The following CD200R1 variants were observed in gnomAD, a reference collection of about 807,000 sequenced individuals.
The protein encoded by CD200R1 is CD200 receptor 1, also known as cell surface glycoprotein CD200 receptor 1.
In CD200R1, 30 loss-of-function variants were observed where a neutral mutation model predicts 38.1. The observed-to-expected ratio is 0.79, with a 90% CI of 0.59 to 1.07. The LOEUF (loss-of-function observed/expected upper bound fraction) is 1.07. Ranked by LOEUF, CD200R1 falls within the 50% of genes least tolerant of loss-of-function variation. The probability of loss-of-function intolerance (pLI) is 0.00; values close to 1 mark genes in which losing one functional copy is unlikely to be tolerated. For synonymous variants in CD200R1, 128 were observed against 152.1 expected, an observed-to-expected ratio of 0.84 and a Z score of 1.16; for missense variants, 372 against 415.4, an observed-to-expected ratio of 0.90 and a Z score of 0.91.
chr3:112,929,658 C>A, intron 3 of CD200R1, 151 bp from the exon 4 acceptor site: 1 of 713,136 alleles, frequency 1.4e-6, no homozygotes. Context: ...TTAAAATTCT[C>A]AAAATATAAA....
At chr3:112,950,607 C>A (rs1940954318) in intron 1 of CD200R1, among the ~76,000 whole-genome samples, 1 of 152,084 alleles carries the variant, frequency 6.6e-6, no homozygotes, top group Non-Finnish European at 1.5e-5. Context: ...CCTAACCCAG[C>A]ATCTGCAGAA....
At chr3:112,973,417 G>A (rs1559704884) in intron 1 of CD200R1, among the ~76,000 whole-genome samples, 2 of 152,158 alleles carry the variant, frequency 1.3e-5, no homozygotes. Context: ...ATGTTTAGTG[G>A]TGCTTACTGA....
chr3:112,948,598 G>A (rs1226201175), intron 1 of CD200R1, among the ~76,000 whole-genome samples: 2 of 152,178 alleles, frequency 1.3e-5, no homozygotes, highest in East Asian at 3.9e-4. Flanking sequence ...TCTGACAAGA[G>A]GTGGAGCTCA....
chr3:112,964,166 CATGGAGAACCTCTGCTAGGGCAGTATGGA>C (rs1559957093), intron 1 of CD200R1, among the ~76,000 whole-genome samples: 4 of 152,342 alleles, frequency 2.6e-5, no homozygotes, highest in Non-Finnish European at 5.9e-5. Flanking sequence ...GCAGGACTCT[CATGGAGAACCTCTGCTAGGGCAGTATGGA>C]ATGGAAATGT....
chr3:112,947,062 A>G (rs902716602), intron 2 of CD200R1, among the ~76,000 whole-genome samples: 1 of 152,186 alleles, frequency 6.6e-6, no homozygotes, highest in African/African-American at 2.4e-5. Flanking sequence ...TTCCAATTAT[A>G]TGACACTCTG....
Position 112,929,261 on chromosome 3 carries a change from T to A in CD200R1, c.449A>T (p.Asp150Val). ...LQIRTVAITHDGYYRCIMVTP... is the reference protein window; with the variant it reads ...LQIRTVAITHVGYYRCIMVTP... ...TACCATTATGCATCTGTAATACCCGTCATGAGTGATGGCCACGGTACGAAT... is the reference window on the plus strand; with the variant it reads ...TACCATTATGCATCTGTAATACCCGACATGAGTGATGGCCACGGTACGAAT... Residue 150 changes from aspartate (D) to valine (V), a missense_variant, in exon 4 of 8, where the codon GAC (aspartate) becomes GTC (valine). By Grantham distance (152) the Asp-to-Val change is radical. Transcript: ENST00000308611. The A allele has an allele frequency of 6.2e-7, 1 of 1,614,154 alleles. No individual in the cohort carries two copies. The highest frequency in any genetic ancestry group is 8.5e-7 in the Non-Finnish European group (1 of 1,180,028).
At chr3:112,929,612 G>A in intron 3 of CD200R1, 105 bp from the exon 4 acceptor site, 1 of 1,028,252 alleles carries the variant, frequency 9.7e-7, no homozygotes, top group Non-Finnish European at 1.4e-6. Flanking sequence ...CTTTGTTGGT[G>A]ATCTTATTCC....
intron 1 of CD200R1, among the ~76,000 whole-genome samples, chr3:112,963,910 A>G (rs997100241): frequency 1.3e-5 from 2 of 152,180 alleles, no homozygotes; most frequent in Admixed American, 6.5e-5. Context: ...TCAGGAGTCC[A>G]TATGCTGTGT....
chr3:112,922,875 T>C lies in CD200R1; in HGVS notation c.*802A>G, dbSNP rs1940202721. 1 of 151,866 alleles carries C rather than the reference T, an allele frequency of 6.6e-6. No individual in the cohort carries two copies. The highest frequency in any genetic ancestry group is 2.1e-4 in the South Asian group (1 of 4,828). 9.4% of individuals were successfully genotyped at this position (151,866 alleles called of 1,614,324 possible). ...AATTTGACATATATATTTGACACAA[T>C]TTAACATATATATCAATAGTAAAAT... On this transcript the variant is annotated 3_prime_UTR_variant, in exon 8 of 8. Coordinates refer to ENST00000308611, the MANE Select transcript of CD200R1 (RefSeq NM_138806.4).
chr3:112,960,235 A>C (rs376041181), intron 1 of CD200R1, among the ~76,000 whole-genome samples: 1 of 152,068 alleles, frequency 6.6e-6, no homozygotes, highest in Non-Finnish European at 1.5e-5. Flanking sequence ...AACTTTTACT[A>C]TGAATTTCCT....
chr3:112,960,384 A>G (rs1932986919), intron 1 of CD200R1, among the ~76,000 whole-genome samples: 1 of 152,088 alleles, frequency 6.6e-6, no homozygotes, highest in Non-Finnish European at 1.5e-5. Flanking sequence ...AATCGTAAAT[A>G]TGAGATTTGT....
chr3:112,949,098 T>C (rs1402992217), intron 1 of CD200R1, among the ~76,000 whole-genome samples: 2 of 152,144 alleles, frequency 1.3e-5, no homozygotes, highest in African/African-American at 2.4e-5. Context: ...ACAAAAATAA[T>C]GGCATTTAAA....
chr3:112,934,807 G>T (rs1470649495), intron 2 of CD200R1, among the ~76,000 whole-genome samples: 1 of 152,048 alleles, frequency 6.6e-6, no homozygotes, highest in East Asian at 1.9e-4. Flanking sequence ...TCCAGCCTGG[G>T]TGACAAGAGC....
chr3:112,965,774 A>G (rs945336152), intron 1 of CD200R1, among the ~76,000 whole-genome samples: 2 of 152,114 alleles, frequency 1.3e-5, no homozygotes, highest in Non-Finnish European at 2.9e-5. Flanking sequence ...GAAAAAAAAA[A>G]GATATTTAAT....
intron 1 of CD200R1, among the ~76,000 whole-genome samples, chr3:112,973,192 C>A (rs1933352484): frequency 6.6e-6 from 1 of 152,158 alleles, no homozygotes; most frequent in South Asian, 2.1e-4. Context: ...CAGCTCCTTG[C>A]CTATCTGGCT....
chr3:112,936,517 C>G (rs1220514774), intron 2 of CD200R1, among the ~76,000 whole-genome samples: 4 of 152,136 alleles, frequency 2.6e-5, no homozygotes, highest in Non-Finnish European at 5.9e-5. Context: ...GAGATAGTAT[C>G]TCATTGTAGT....
intron 2 of CD200R1, among the ~76,000 whole-genome samples, chr3:112,944,671 G>A (rs940965743): frequency 6.6e-6 from 1 of 151,804 alleles, no homozygotes; most frequent in African/African-American, 2.4e-5. Flanking sequence ...AAATAAAAGG[G>A]ATCAAGATCA....
At chr3:112,959,083 C>T (rs1223297440) in intron 1 of CD200R1, among the ~76,000 whole-genome samples, 2 of 152,098 alleles carry the variant, frequency 1.3e-5, no homozygotes, top group African/African-American at 4.8e-5. Flanking sequence ...GCATGCTCTA[C>T]TCTCTAAAAA....
intron 1 of CD200R1, among the ~76,000 whole-genome samples, chr3:112,958,103 G>A (rs952351287): frequency 1.3e-5 from 2 of 151,732 alleles, no homozygotes; most frequent in African/African-American, 2.4e-5. Context: ...ATTCAAACAT[G>A]TGCCCACCAT....
Sources: gnomAD v4.1 joint callset for allele counts (sites outside exome capture counted in the v4.1 genomes callset) on GRCh38, gnomAD v4.1.1 for gene constraint, MANE v1.5 for transcripts, NCBI Gene and HGNC (gene_info 2026-07-23, HGNC 2026-07-21) for gene names.